Variants in OTUD7B observed in about 807,000 individuals in gnomAD.
OTUD7B encodes OTU deubiquitinase 7B.
In OTUD7B, 34 loss-of-function variants were observed where a neutral mutation model predicts 82.2. The observed-to-expected ratio is 0.41, with a 90% CI of 0.31 to 0.55. OTUD7B has a LOEUF of 0.55. OTUD7B is among the 20% of genes least tolerant of loss of function. The pLI is 0.20. For missense variants in OTUD7B, 944 were observed against 1,062.1 expected, an observed-to-expected ratio of 0.89 and a Z score of 1.55; for synonymous variants, 398 against 402.7, an observed-to-expected ratio of 0.99 and a Z score of 0.14.
chr1:150,005,057 A>G (rs1334801998), intron 1 of OTUD7B, among the ~76,000 whole-genome samples: 1 of 152,080 alleles, frequency 6.6e-6, no homozygotes, highest in Admixed American at 6.5e-5. Context: ...GAAATGAGTT[A>G]TAATTCCTCT....
rs66654345 is a variant in OTUD7B, at chr1:149,938,758, T to TAAAAAA, written c.*5093_*5098dup. 2,579 of 48,722 alleles carry TAAAAAA rather than the reference T, an allele frequency of 0.053. 285 individuals are homozygous for TAAAAAA. Among genetic ancestry groups the TAAAAAA allele is most frequent in the Non-Finnish European group, 0.071 (2,155 of 30,486 alleles). 3.0% of individuals were successfully genotyped at this position (48,722 alleles called of 1,614,324 possible). ...ACATGGCGAAACCCCCGACTCTAACTAAAAAAAAAAAAAAAAAAAAAAATT... is the reference window on the plus strand; with the variant it reads ...ACATGGCGAAACCCCCGACTCTAACTAAAAAAAAAAAAAAAAAAAAAAAAAAAAATT... On this transcript the variant is annotated 3_prime_UTR_variant, in exon 12 of 12. Transcript: ENST00000581312.
At chr1:150,024,319 C>G in the OTUD7B span, among the ~76,000 whole-genome samples, 5 of 152,144 alleles carry the variant, frequency 3.3e-5, no homozygotes, top group African/African-American at 1.2e-4. Flanking sequence ...CTGGCAGGAG[C>G]TTGTTCCTGA....
Position 149,943,715 on chromosome 1 carries a change from G to T in OTUD7B, c.*142C>A. ...CTTGCCAGCCTGGCAGCACTCCTGT[G>T]TGCACACACTTAAAAGTTTCCAGCC... On this transcript the variant is annotated 3_prime_UTR_variant, in exon 12 of 12. Coordinates refer to ENST00000581312, the MANE Select transcript of OTUD7B (RefSeq NM_020205.4). 1.1e-6 allele frequency: 1 copy of T among 883,770 alleles called. No individual in the cohort carries two copies. Among genetic ancestry groups the T allele is most frequent in the Non-Finnish European group, 1.8e-6 (1 of 556,200 alleles). 54.7% of individuals were successfully genotyped at this position (883,770 alleles called of 1,614,324 possible).
rs782641251 is a variant in OTUD7B at position 149,944,074 on chromosome 1, GC to G, written c.2314del (p.Ala772LeufsTer56). Reference protein sequence around the residue: ...GALLPPPYRVADSYSNGYREP... With the variant: ...GALLPPPYRVXDSYSNGYREP... ...TCTGTAGCCATTGCTATAGGAATCAGCCACTCGGTAGGGGGGTGGTAACAAG... is the reference window on the plus strand; with the variant it reads ...TCTGTAGCCATTGCTATAGGAATCAGCACTCGGTAGGGGGGTGGTAACAAG... On this transcript the variant is annotated frameshift_variant, in exon 12 of 12. Coordinates refer to ENST00000581312, the MANE Select transcript of OTUD7B (RefSeq NM_020205.4). LOFTEE classifies it high-confidence loss of function. 6.2e-7 allele frequency: 1 copy of G among 1,614,164 alleles called. No homozygotes were observed. Among genetic ancestry groups the G allele is most frequent in the South Asian group, 1.1e-5 (1 of 91,088 alleles).
chr1:150,028,815 C>T, the OTUD7B span, among the ~76,000 whole-genome samples: 2 of 152,274 alleles, frequency 1.3e-5, no homozygotes, highest in South Asian at 4.1e-4. Context: ...GGATTACAGG[C>T]GTGAGCCACC....
the OTUD7B span, among the ~76,000 whole-genome samples, chr1:150,044,308 A>G: frequency 1.3e-5 from 2 of 151,832 alleles, no homozygotes; most frequent in African/African-American, 2.4e-5. Context: ...CCCAGGCTCA[A>G]GTGGTCCTCC....
At chr1:150,024,802 C>G in the OTUD7B span, among the ~76,000 whole-genome samples, 7,096 of 152,248 alleles carry the variant, frequency 0.047, 577 homozygotes, top group African/African-American at 0.16. Flanking sequence ...AATCCCAGCA[C>G]TTTGGGAGGC....
At position 149,944,416 on chromosome 1, in the gene OTUD7B, C is replaced by A. The variant is rs370421419; in HGVS notation, c.1973G>T (p.Gly658Val). 2.5e-6 allele frequency: 4 copies of A among 1,614,108 alleles called. No homozygotes were observed. In the South Asian group the frequency reaches 3.3e-5, roughly 13 times the overall value. ...AERKIMNGGI[G>V]GGPPPAKKPE... Reference sequence around the variant, plus strand: ...CTTTTTGGCTGGAGGAGGGCCACCCCCTATTCCTCCATTCATGATCTTCCT... The same window carrying A: ...CTTTTTGGCTGGAGGAGGGCCACCCACTATTCCTCCATTCATGATCTTCCT... Residue 658 changes from glycine to valine, a missense_variant, in exon 12 of 12, where the codon GGG (glycine) becomes GTG (valine). Gly to Val is a moderately radical substitution (Grantham distance 109). Around this residue, in one of 3 missense-constraint regions of OTUD7B, gnomAD observed 412 missense variants for 418.7 expected, o/e 0.98. Coordinates refer to ENST00000581312, the MANE Select transcript of OTUD7B (RefSeq NM_020205.4).
At chr1:149,952,079 T>A (rs587635882) in intron 7 of OTUD7B, among the ~76,000 whole-genome samples, 1 of 152,260 alleles carries the variant, frequency 6.6e-6, no homozygotes, top group South Asian at 2.1e-4. Flanking sequence ...CTTTAAGTTC[T>A]AGGGTACATG....
chr1:149,949,082 A>C lies in OTUD7B; in HGVS notation c.1125T>G (p.Ala375=). Residue 375 remains alanine (A), a splice_region_variant and synonymous_variant, in exon 10 of 12, where the codon GCT becomes GCG. Coordinates refer to ENST00000581312, the MANE Select transcript of OTUD7B (RefSeq NM_020205.4). The part of the protein sequence containing the change: ...MEQKENTKEQ[A]VIPLTDSEYK... ...ACTCTGAATCTGTAAGTGGGATCAC[A>C]GCTGGAGAGGAAGAAACATATCATC... The C allele has an allele frequency of 6.3e-7, 1 of 1,585,820 alleles. No homozygotes were observed. Among genetic ancestry groups the C allele is most frequent in the Non-Finnish European group, 8.7e-7 (1 of 1,154,174 alleles).
chr1:149,997,373 AATAAGATCTATG>A (rs1310159871), intron 1 of OTUD7B, among the ~76,000 whole-genome samples: 2 of 152,220 alleles, frequency 1.3e-5, no homozygotes, highest in Non-Finnish European at 2.9e-5. Context: ...CCTTTCAGGT[AATAAGATCTATG>A]TCAGTAAATT....
chr1:150,039,542 A>C, the OTUD7B span, among the ~76,000 whole-genome samples: 1 of 151,498 alleles, frequency 6.6e-6, no homozygotes, highest in Non-Finnish European at 1.5e-5. Flanking sequence ...ATGCCCAGTT[A>C]ATTTTTTGTA....
the OTUD7B span, among the ~76,000 whole-genome samples, chr1:150,039,634 C>T: frequency 2.0e-5 from 3 of 152,176 alleles, no homozygotes; most frequent in Non-Finnish European, 2.9e-5. Context: ...CTCGGCCTCC[C>T]GAAGTGCTGG....
At chr1:150,048,974 A>G in the OTUD7B span, among the ~76,000 whole-genome samples, 4 of 152,102 alleles carry the variant, frequency 2.6e-5, no homozygotes, top group East Asian at 7.7e-4. Flanking sequence ...CTAGGATTAC[A>G]GGCGCCCGCC....
the OTUD7B span, among the ~76,000 whole-genome samples, chr1:150,042,185 CCCTT>C: frequency 3.0e-5 from 4 of 134,622 alleles, no homozygotes; most frequent in Admixed American, 1.5e-4. Flanking sequence ...CTCCCTTCCT[CCCTT>C]CCTTCCTTCA....
Position 149,948,985 on chromosome 1 carries a change from T to C in OTUD7B, c.1222A>G (p.Asn408Asp). 6.2e-7 allele frequency: 1 copy of C among 1,611,856 alleles called. No individual in the cohort carries two copies. Among genetic ancestry groups the C allele is most frequent in the African/African-American group, 1.3e-5 (1 of 74,962 alleles). Residue 408 changes from asparagine to aspartate, a missense_variant, in exon 10 of 12, where the codon AAT (asparagine) becomes GAT (aspartate). Asn to Asp is a conservative substitution (Grantham distance 23). Coordinates refer to ENST00000581312, the MANE Select transcript of OTUD7B (RefSeq NM_020205.4). ...CTGGCTTACCTGGCCAATCGGACAT[T>C]GTCACTATCATCTTTGCCCCACTCC... ...GWEWGKDDSD[N>D]VRLASVILSL...
chr1:149,964,355 G>T lies in OTUD7B; in HGVS notation c.605-6C>A. On this transcript the variant is annotated splice_region_variant and splice_polypyrimidine_tract_variant and intron_variant, in intron 5 of 11. Transcript: ENST00000581312. Reference sequence around the variant, plus strand: ...ATCATGGAAACCCCACATTCCTGTGGCAAAAAAGCATAATGGTAAGATACC... The same window carrying T: ...ATCATGGAAACCCCACATTCCTGTGTCAAAAAAGCATAATGGTAAGATACC... 2 of 1,607,824 alleles carry T rather than the reference G, an allele frequency of 1.2e-6. No homozygotes were observed. The highest frequency in any genetic ancestry group is 1.7e-6 in the Non-Finnish European group (2 of 1,177,978).
intron 7 of OTUD7B, among the ~76,000 whole-genome samples, chr1:149,958,322 C>CTTTTTTTTTTTTTTT (rs34299927): frequency 1.2e-5 from 1 of 86,398 alleles, no homozygotes; most frequent in Non-Finnish European, 2.1e-5. Flanking sequence ...AAAGGACTAC[C>CTTTTTTTTTTTTTTT]TTTTTTTTTT....
chr1:150,036,386 A>G, the OTUD7B span, among the ~76,000 whole-genome samples: 2 of 151,672 alleles, frequency 1.3e-5, no homozygotes, highest in Non-Finnish European at 2.9e-5. Context: ...CAGCCTCTCA[A>G]GTAGCTGGGA....
Sources: allele counts gnomAD v4.1 joint callset (sites outside exome capture counted in the v4.1 genomes callset), GRCh38; gene constraint gnomAD v4.1.1; regional missense constraint gnomAD v4.1.1; transcripts MANE v1.5; gene names NCBI Gene and HGNC (gene_info 2026-07-23, HGNC 2026-07-21).